Variants in UBE2D4 observed in about 807,000 individuals in gnomAD.
UBE2D4 encodes ubiquitin-conjugating enzyme E2 D4.
UBE2D4 carries 17 observed loss-of-function variants against 23.0 expected under a neutral mutation model. That is an observed-to-expected ratio of 0.74 (90% CI 0.51 to 1.11). The LOEUF (loss-of-function observed/expected upper bound fraction) is 1.11. UBE2D4 is among the 50% of genes least tolerant of loss of function. The pLI, the probability that UBE2D4 is intolerant of heterozygous loss-of-function variation, is 0.00. For missense variants in UBE2D4, 139 were observed against 181.8 expected (o/e 0.76, Z 1.35); for synonymous variants, 61 against 69.4 (o/e 0.88, Z 0.60).
At position 43,951,567 on chromosome 7, in the gene UBE2D4, G is replaced by T. The variant is rs529159600; in HGVS notation, c.398+875G>T. Among the ~76,000 whole-genome samples the T allele has an allele frequency of 6.3e-4, 95 of 151,856 alleles. 1 individual carries two copies. The highest frequency in any genetic ancestry group is 2.7e-3 in the Admixed American group (41 of 15,258). On this transcript the variant is annotated intron_variant, in intron 6 of 6. Transcript: ENST00000222402. ...TTTTTTTGAGACAAGGTCTCATTCT[G>T]TTGCCCAGTCTGAAGTGCAGTGGTG...
chr7:43,927,247 C>T (rs1465338190), intron 1 of UBE2D4, among the ~76,000 whole-genome samples: 1 of 151,642 alleles, frequency 6.6e-6, no homozygotes, highest in Non-Finnish European at 1.5e-5. Context: ...TTTTGTATTC[C>T]ACTTATTCAC....
chr7:43,935,320 A>G (rs1185624078), intron 1 of UBE2D4, among the ~76,000 whole-genome samples: 4 of 152,188 alleles, frequency 2.6e-5, no homozygotes, highest in African/African-American at 7.2e-5. Context: ...TCTCTAAACC[A>G]CATAGCTTTG....
intron 1 of UBE2D4, among the ~76,000 whole-genome samples, chr7:43,932,293 C>G (rs2095947731): frequency 6.6e-6 from 1 of 152,060 alleles, no homozygotes; most frequent in Non-Finnish European, 1.5e-5. Flanking sequence ...TGTGCCTGGC[C>G]CATGACATAC....
At chr7:43,938,542 C>T (rs186795238) in intron 2 of UBE2D4, 48 bp downstream of exon 2, 7 of 1,585,212 alleles carry the variant, frequency 4.4e-6, no homozygotes, top group Non-Finnish European at 5.2e-6. Flanking sequence ...TTAATTAAGA[C>T]CCCCCAACTT....
Position 43,943,248 on chromosome 7 carries a change from G to T in UBE2D4, c.198+217G>T, listed in dbSNP as rs189201511. On this transcript the variant is annotated intron_variant, in intron 4 of 6. Transcript: ENST00000222402. ...GGGTCAGTGGGGTGAGCTGGTGCTG[G>T]CCTTACTGAGGCCACAGTTTGAATG... is the stretch of plus-strand genomic sequence containing the variant. 6.6e-6 allele frequency: 4 copies of T among 604,254 alleles called. No individual in the cohort carries two copies. The East Asian group carries it at 1.1e-4, about 17-fold the overall frequency. The allele number at this position is 604,254 out of a possible 1,614,324, so 37.4% of individuals were successfully genotyped here.
intron 4 of UBE2D4, chr7:43,945,059 C>A (rs1229185346): frequency 6.6e-6 from 1 of 152,154 alleles, no homozygotes; most frequent in Non-Finnish European, 1.5e-5. Flanking sequence ...GTGGCACAAT[C>A]TCAGCTCACT....
intron 4 of UBE2D4, among the ~76,000 whole-genome samples, chr7:43,945,133 C>T (rs2095982778): frequency 6.6e-6 from 1 of 152,128 alleles, no homozygotes; most frequent in African/African-American, 2.4e-5. Context: ...GCTGAGATTA[C>T]AGGCACCCGC....
intron 1 of UBE2D4, 91 bp from the exon 2 acceptor site, chr7:43,938,340 A>G: frequency 2.3e-6 from 3 of 1,305,032 alleles, no homozygotes; most frequent in Non-Finnish European, 3.3e-6. Context: ...GCCTCCTCCC[A>G]CCAGGAGAAT....
intron 1 of UBE2D4, among the ~76,000 whole-genome samples, chr7:43,934,218 G>A (rs921955041): frequency 6.6e-6 from 1 of 151,002 alleles, no homozygotes; most frequent in Non-Finnish European, 1.5e-5. Context: ...TTTTTTTTCT[G>A]GAATACGTGC....
Position 43,955,243 on chromosome 7 carries a change from C to T in UBE2D4, c.*2548C>T, listed in dbSNP as rs983182715. 1 of 152,142 alleles carries T rather than the reference C, an allele frequency of 6.6e-6. No homozygotes were observed. Among genetic ancestry groups the T allele is most frequent in the African/African-American group, 2.4e-5 (1 of 41,434 alleles). The allele number at this position is 152,142 out of a possible 1,614,324, so 9.4% of individuals were successfully genotyped here. On this transcript the variant is annotated 3_prime_UTR_variant, in exon 7 of 7. Coordinates refer to ENST00000222402, the MANE Select transcript of UBE2D4 (RefSeq NM_015983.4). ...GAAGCCATGCTTCCAAGGAAGGTCT[C>T]AGGTTGACAACTAGACATCAAATCT...
chr7:43,945,105 G>T (rs1260523645), intron 4 of UBE2D4, among the ~76,000 whole-genome samples: 1 of 152,094 alleles, frequency 6.6e-6, no homozygotes, highest in Non-Finnish European at 1.5e-5. Context: ...CGATTCTTCT[G>T]CCTCAGCCTC....
chr7:43,934,572 A>C (rs2095954279), intron 1 of UBE2D4, among the ~76,000 whole-genome samples: 1 of 151,636 alleles, frequency 6.6e-6, no homozygotes, highest in Admixed American at 6.6e-5. Context: ...TTGAAACAGA[A>C]TCTCACTCTG....
chr7:43,939,089 G>A (rs1404976170), intron 2 of UBE2D4, among the ~76,000 whole-genome samples: 5 of 152,176 alleles, frequency 3.3e-5, no homozygotes, highest in Admixed American at 2.6e-4. Flanking sequence ...ATCAGCTGCT[G>A]GAAAGTGCCC....
rs911033879 is a variant in UBE2D4, at chr7:43,944,971, GATTATT to G, written c.198+1950_198+1955del. ...TGCCTAAGGACAAAGGAGAAACAGT[GATTATT>G]ATTATTATTTTTTAATTATTATTAT... On this transcript the variant is annotated intron_variant, in intron 4 of 6. Transcript: ENST00000222402. This position sits in a 1 kb window ranked among gnomAD's most constrained non-coding sequence, Gnocchi z 4.0. 1 of 152,114 alleles carries G rather than the reference GATTATT, an allele frequency of 6.6e-6. No homozygotes were observed. Among genetic ancestry groups the G allele is most frequent in the African/African-American group, 2.4e-5 (1 of 41,532 alleles). 9.4% of individuals were successfully genotyped at this position (152,114 alleles called of 1,614,324 possible).
At chr7:43,930,992 C>T (rs2095944039) in intron 1 of UBE2D4, among the ~76,000 whole-genome samples, 1 of 151,932 alleles carries the variant, frequency 6.6e-6, no homozygotes, top group Admixed American at 6.6e-5. Context: ...GGTATGGTGG[C>T]ATGTGCCTGT....
chr7:43,950,525 T>G, intron 5 of UBE2D4, 74 bp from the exon 6 acceptor site: 1 of 1,151,006 alleles, frequency 8.7e-7, no homozygotes, highest in East Asian at 2.4e-5. Context: ...AGAGTGCAAG[T>G]TCAGGGAAGT....
intron 1 of UBE2D4, among the ~76,000 whole-genome samples, chr7:43,928,331 A>G (rs918560852): frequency 4.6e-5 from 7 of 152,178 alleles, no homozygotes; most frequent in Admixed American, 1.3e-4. Context: ...AACCAGATCA[A>G]CCATCATTGT....
chr7:43,926,558 T>C lies in UBE2D4; in HGVS notation c.24+2T>C, dbSNP rs1187852825. On this transcript the variant is annotated splice_donor_variant, in intron 1 of 6. Transcript: ENST00000222402. LOFTEE classifies it high-confidence loss of function. ...ATGGCGCTAAAGCGGATCCAGAAGG[T>C]ACGCACTTTCCCACCCTCCAACTCT... 2 of 1,570,068 alleles carry C rather than the reference T, an allele frequency of 1.3e-6. No homozygotes were observed. The highest frequency in any genetic ancestry group is 1.7e-6 in the Non-Finnish European group (2 of 1,161,456).
chr7:43,942,895 C>T, intron 3 of UBE2D4, 38 bp downstream of exon 3: 3 of 1,614,170 alleles, frequency 1.9e-6, no homozygotes, highest in Non-Finnish European at 2.5e-6. Flanking sequence ...TCCAGTTTTG[C>T]TTCTTGCACT....
Sources: allele counts gnomAD v4.1 joint callset (sites outside exome capture counted in the v4.1 genomes callset), GRCh38; gene constraint gnomAD v4.1.1; non-coding constraint Gnocchi (gnomAD v3.1); transcripts MANE v1.5; gene names NCBI Gene and HGNC (gene_info 2026-07-23, HGNC 2026-07-21).